The following CCSER1 variants were observed in gnomAD, a reference collection of about 807,000 sequenced individuals.
The protein encoded by CCSER1 is coiled-coil serine rich protein 1, also known as serine-rich coiled-coil domain-containing protein 1.
CCSER1 carries 41 observed loss-of-function variants against 82.0 expected under a neutral mutation model. The ratio of observed to expected loss-of-function variants is 0.50; its 90% CI spans 0.39 to 0.65. The LOEUF is 0.65. Ranked by LOEUF, CCSER1 falls within the 30% of genes least tolerant of loss-of-function variation. The pLI is 0.00. For missense variants in CCSER1, 1,119 were observed against 1,064.2 expected (o/e 1.05, Z -0.72); for synonymous variants, 414 against 383.9 (o/e 1.08, Z -0.92).
At position 90,485,522 on chromosome 4, in the gene CCSER1, C is replaced by A. The variant is rs546572002; in HGVS notation, c.1724+17168C>A. ...CTATTCGGCCATCTTGGCTCCACCC[C>A]CCCCCCCCAATTTAACTTTTATTTA... On this transcript the variant is annotated intron_variant, in intron 5 of 10. Transcript: ENST00000509176. Among the ~76,000 whole-genome samples, 4 of 150,616 alleles carry A rather than the reference C, an allele frequency of 2.7e-5. No homozygotes were observed. In the South Asian group the frequency reaches 8.5e-4, roughly 32 times the overall value.
At chr4:91,584,986 C>G (rs1038471888) in intron 10 of CCSER1, among the ~76,000 whole-genome samples, 2 of 151,326 alleles carry the variant, frequency 1.3e-5, no homozygotes, top group Non-Finnish European at 3.0e-5. Flanking sequence ...ATTATGTAAC[C>G]TTTCTAAAAT....
At chr4:91,111,474 G>A (rs986572025) in intron 10 of CCSER1, among the ~76,000 whole-genome samples, 13 of 151,898 alleles carry the variant, frequency 8.6e-5, no homozygotes, top group African/African-American at 2.9e-4. Flanking sequence ...TGAGGACCAA[G>A]AAACTGTGCA....
intron 3 of CCSER1, among the ~76,000 whole-genome samples, chr4:90,361,707 T>G (rs1303748995): frequency 6.6e-6 from 1 of 152,218 alleles, no homozygotes; most frequent in Non-Finnish European, 1.5e-5. Flanking sequence ...TATGTCCACA[T>G]GTACCCAATG....
intron 4 of CCSER1, among the ~76,000 whole-genome samples, chr4:90,417,273 G>T (rs975753085): frequency 2.0e-5 from 3 of 151,632 alleles, no homozygotes; most frequent in African/African-American, 7.3e-5. Context: ...TTTTTTTCTG[G>T]TTGTTAGTCA....
intron 9 of CCSER1, among the ~76,000 whole-genome samples, chr4:90,992,227 T>A (rs940274213): frequency 6.6e-6 from 1 of 152,058 alleles, no homozygotes; most frequent in African/African-American, 2.4e-5. Context: ...TTACTGTTCT[T>A]TGTCATTTAA....
chr4:90,417,798 A>G (rs140312833), intron 4 of CCSER1, among the ~76,000 whole-genome samples: 2,702 of 152,266 alleles, frequency 0.018, 49 homozygotes, highest in African/African-American at 0.036. Context: ...ATTTTTAATG[A>G]ATAATAGTAC....
intron 1 of CCSER1, among the ~76,000 whole-genome samples, chr4:90,258,125 C>T (rs772708326): frequency 5.3e-4 from 80 of 152,284 alleles, no homozygotes; most frequent in Admixed American, 9.8e-4. Flanking sequence ...ACTCTATAGC[C>T]AGATAATAAT....
At chr4:90,224,286 C>T (rs1742714793) in intron 1 of CCSER1, among the ~76,000 whole-genome samples, 1 of 152,130 alleles carries the variant, frequency 6.6e-6, no homozygotes, top group Non-Finnish European at 1.5e-5. Flanking sequence ...CACTTTTTCC[C>T]AATGCCCCTT....
rs1398343953 is a variant in CCSER1, at chr4:90,238,051, T to C, written c.-41-70193T>C. 2.0e-5 allele frequency among the ~76,000 whole-genome samples: 3 copies of C among 152,228 alleles called. No individual in the cohort carries two copies. In the East Asian group the frequency reaches 5.8e-4, roughly 29 times the overall value. ...GCCTTCAACAGCAGAAAGAGAATTC[T>C]TGGGCTAGGTGCTGGTAATGAGAAC... On this transcript the variant is annotated intron_variant, in intron 1 of 10. Transcript: ENST00000509176.
chr4:91,033,490 C>T (rs1408389973), intron 9 of CCSER1, among the ~76,000 whole-genome samples: 1 of 152,154 alleles, frequency 6.6e-6, no homozygotes, highest in Non-Finnish European at 1.5e-5. Context: ...GTGGGTGAGA[C>T]AGCCAGCAGT....
chr4:90,301,393 A>G (rs915989310), intron 1 of CCSER1, among the ~76,000 whole-genome samples: 8 of 152,090 alleles, frequency 5.3e-5, no homozygotes, highest in Non-Finnish European at 1.2e-4. Flanking sequence ...ACTTTCTGGA[A>G]GCCTTTTGTT....
At chr4:91,331,619 TGTC>T (rs1746961047) in intron 10 of CCSER1, among the ~76,000 whole-genome samples, 1 of 152,166 alleles carries the variant, frequency 6.6e-6, no homozygotes, top group African/African-American at 2.4e-5. Flanking sequence ...TCCCTGACTC[TGTC>T]AAGGGCTTTT....
chr4:90,602,062 G>C (rs1202475429), intron 5 of CCSER1, among the ~76,000 whole-genome samples: 1 of 152,078 alleles, frequency 6.6e-6, no homozygotes, highest in Non-Finnish European at 1.5e-5. Context: ...GGTAGGTGTT[G>C]TTCTAGTCTT....
Position 91,396,805 on chromosome 4 carries a change from A to C in CCSER1, c.2218-201767A>C, listed in dbSNP as rs117230887. ...AAATTCAATAACTCATAAATCAAAAAATTTTAAAGCTTATTACGAGTCAAG... is the reference window on the plus strand; with the variant it reads ...AAATTCAATAACTCATAAATCAAAACATTTTAAAGCTTATTACGAGTCAAG... On this transcript the variant is annotated intron_variant, in intron 10 of 10. Transcript: ENST00000509176. Among the ~76,000 whole-genome samples the C allele has an allele frequency of 3.3e-5, 5 of 152,166 alleles. No individual in the cohort carries two copies. The East Asian group carries it at 9.7e-4, about 29-fold the overall frequency.
rs956640813 is a variant in CCSER1, at chr4:90,414,314, T to A, written c.1603+14185T>A. Among the ~76,000 whole-genome samples the A allele has an allele frequency of 8.6e-5, 13 of 152,030 alleles. No individual in the cohort carries two copies. In the East Asian group the frequency reaches 2.3e-3, roughly 27 times the overall value. ...AGGTTTTAGATTTAAAGGATTTTTT[T>A]ATTATATTTTCTTGAGTTTCTGAAA... On this transcript the variant is annotated intron_variant, in intron 4 of 10. Transcript: ENST00000509176.
intron 9 of CCSER1, among the ~76,000 whole-genome samples, chr4:91,020,528 G>A (rs1739847087): frequency 1.3e-5 from 2 of 152,220 alleles, no homozygotes; most frequent in South Asian, 2.1e-4. Flanking sequence ...CGGGTGTGGT[G>A]GCGGGTGCCT....
chr4:91,072,059 G>A (rs187755289), intron 9 of CCSER1, among the ~76,000 whole-genome samples: 184 of 152,230 alleles, frequency 1.2e-3, no homozygotes, highest in Non-Finnish European at 2.4e-3. Flanking sequence ...CATGCTATAA[G>A]TAATCTAGTT....
intron 10 of CCSER1, among the ~76,000 whole-genome samples, chr4:91,495,362 G>C (rs1758745028): frequency 6.6e-6 from 1 of 151,356 alleles, no homozygotes; most frequent in Non-Finnish European, 1.5e-5. Context: ...CTCTGTTTTG[G>C]TTCAGATATT....
chr4:90,579,628 A>G (rs1265618443), intron 5 of CCSER1, among the ~76,000 whole-genome samples: 2 of 152,220 alleles, frequency 1.3e-5, no homozygotes, highest in African/African-American at 4.8e-5. Flanking sequence ...CAAAAGCAAT[A>G]TAATCACTAG....
Sources: allele counts gnomAD v4.1 joint callset (sites outside exome capture counted in the v4.1 genomes callset), GRCh38; gene constraint gnomAD v4.1.1; transcripts MANE v1.5; gene names NCBI Gene and HGNC (gene_info 2026-07-23, HGNC 2026-07-21).